ITGA6: variants seen among roughly 807,000 people sequenced by gnomAD.
ITGA6 encodes the protein integrin subunit alpha 6.
Under a neutral mutation model 133.6 loss-of-function variants are expected in ITGA6, and 63 were observed. That is an observed-to-expected ratio of 0.47 (90% CI 0.38 to 0.58). The LOEUF (loss-of-function observed/expected upper bound fraction) is 0.58, where lower values mean the gene tolerates loss of function less well. Ranked by LOEUF, ITGA6 falls within the 20% of genes least tolerant of loss-of-function variation. ITGA6 has a pLI of 0.00. For missense variants in ITGA6, 1,068 were observed against 1,309.4 expected (o/e 0.82, Z 2.85); for synonymous variants, 434 against 482.0 (o/e 0.90, Z 1.30).
rs1243092567 is a variant in ITGA6, at chr2:172,440,093, GT to G, written c.182+12126del. Reference sequence around the variant, plus strand: ...GGTCAGCCTTCACTGTTGTGTGGGTGTTTGCAAATAAGACAGCACCTGTTTG... The same window carrying G: ...GGTCAGCCTTCACTGTTGTGTGGGTGTTGCAAATAAGACAGCACCTGTTTG... On this transcript the variant is annotated intron_variant, in intron 1 of 25. Coordinates refer to ENST00000684293, the MANE Select transcript of ITGA6 (RefSeq NM_000210.4). 3.3e-5 allele frequency among the ~76,000 whole-genome samples: 5 copies of G among 152,306 alleles called. No homozygotes were observed. In the East Asian group the frequency reaches 9.6e-4, roughly 29 times the overall value.
intron 23 of ITGA6, among the ~76,000 whole-genome samples, chr2:172,497,771 C>T (rs1687189670): frequency 6.6e-6 from 1 of 152,098 alleles, no homozygotes; most frequent in Admixed American, 6.5e-5. Context: ...CCAGCATTTT[C>T]AAGATTCTGG....
intron 1 of ITGA6, among the ~76,000 whole-genome samples, chr2:172,458,316 T>G (rs897582393): frequency 6.6e-6 from 1 of 151,604 alleles, no homozygotes; most frequent in African/African-American, 2.4e-5. Context: ...TCTCGGCTCC[T>G]GAAACCTCCA....
intron 23 of ITGA6, among the ~76,000 whole-genome samples, chr2:172,496,949 C>T (rs533655083): frequency 3.3e-5 from 5 of 152,280 alleles, no homozygotes; most frequent in East Asian, 1.9e-4. Context: ...GCAACTTAAG[C>T]GCTAAGCTGC....
In ITGA6 at chr2:172,462,307, C is replaced by G. The variant is rs75262797; in HGVS notation, c.183-3232C>G. On this transcript the variant is annotated intron_variant, in intron 1 of 25. Transcript: ENST00000684293. ...GTGGAACACTCCTGCTTCCTCCATC[C>G]CCTGTGGGACCACCTGAGGTGGAGG... Among the ~76,000 whole-genome samples, 675 of 152,290 alleles carry G rather than the reference C, an allele frequency of 4.4e-3. 18 individuals carry two copies. Among genetic ancestry groups the G allele is most frequent in the Admixed American group, 0.039 (600 of 15,300 alleles).
intron 1 of ITGA6, among the ~76,000 whole-genome samples, chr2:172,463,752 C>T (rs749238976): frequency 1.3e-5 from 2 of 152,138 alleles, no homozygotes; most frequent in African/African-American, 2.4e-5. Flanking sequence ...ATCCTGGCAC[C>T]CCACTTATCC....
chr2:172,500,830 G>A (rs1002293247), intron 24 of ITGA6, among the ~76,000 whole-genome samples: 1 of 152,140 alleles, frequency 6.6e-6, no homozygotes, highest in African/African-American at 2.4e-5. Context: ...CGTGGAATAT[G>A]GCTGGTTCAC....
At chr2:172,461,283 C>CT (rs1164726010) in intron 1 of ITGA6, among the ~76,000 whole-genome samples, 1 of 151,994 alleles carries the variant, frequency 6.6e-6, no homozygotes, top group African/African-American at 2.4e-5. Context: ...TGAGTTTTGC[C>CT]TTTTAAGTGT....
At chr2:172,472,927 G>A in intron 5 of ITGA6, 1 of 1,338,014 alleles carries the variant, frequency 7.5e-7, no homozygotes, top group Non-Finnish European at 1.1e-6. Flanking sequence ...AATTGTCTTG[G>A]TTGTGGTCAT....
At chr2:172,439,541 CATG>C (rs1162361440) in intron 1 of ITGA6, among the ~76,000 whole-genome samples, 1 of 151,804 alleles carries the variant, frequency 6.6e-6, no homozygotes, top group African/African-American at 2.4e-5. Flanking sequence ...CCTGAGGTGG[CATG>C]GTGGTGGTAT....
chr2:172,463,171 G>A (rs1037552061), intron 1 of ITGA6, among the ~76,000 whole-genome samples: 1 of 152,150 alleles, frequency 6.6e-6, no homozygotes, highest in Non-Finnish European at 1.5e-5. Flanking sequence ...CTTAATCAGC[G>A]TTTGTTGAGT....
chr2:172,478,181 A>G (rs761720953), intron 9 of ITGA6, among the ~76,000 whole-genome samples: 1 of 152,232 alleles, frequency 6.6e-6, no homozygotes, highest in Non-Finnish European at 1.5e-5. Context: ...GTCTAAATGT[A>G]AAATAAAAAT....
At chr2:172,500,139 C>T (rs528954029) in intron 24 of ITGA6, among the ~76,000 whole-genome samples, 102 of 151,750 alleles carry the variant, frequency 6.7e-4, no homozygotes, top group African/African-American at 2.2e-3. Flanking sequence ...ATGTAGAGGG[C>T]AAAGCTAAAC....
chr2:172,498,740 A>G (rs1687231750), intron 24 of ITGA6, among the ~76,000 whole-genome samples: 1 of 152,240 alleles, frequency 6.6e-6, no homozygotes, highest in Admixed American at 6.5e-5. Flanking sequence ...GATGGATACA[A>G]ACTCTTATTG....
chr2:172,429,178 T>G (rs1684006741), intron 1 of ITGA6, among the ~76,000 whole-genome samples: 1 of 151,860 alleles, frequency 6.6e-6, no homozygotes, highest in Non-Finnish European at 1.5e-5. Context: ...TTAGTCAGTT[T>G]TTTTTTTTTT....
chr2:172,500,945 C>T (rs1482228676), intron 24 of ITGA6, among the ~76,000 whole-genome samples: 3 of 152,130 alleles, frequency 2.0e-5, no homozygotes, highest in Non-Finnish European at 2.9e-5. Context: ...AGGCTTTTAC[C>T]TTCATGAGTT....
chr2:172,465,852 C>T (rs1574361875), intron 2 of ITGA6, 189 bp downstream of exon 2: 1 of 831,952 alleles, frequency 1.2e-6, no homozygotes. Context: ...TGGGATGCCG[C>T]GTGTTTTGCT....
chr2:172,479,501 T>C (rs1686330439), intron 9 of ITGA6, 140 bp from the exon 10 acceptor site: 2 of 759,364 alleles, frequency 2.6e-6, no homozygotes, highest in Non-Finnish European at 4.8e-6. Context: ...TCTTCAGCAA[T>C]GGGGGAAAAC....
intron 20 of ITGA6, 83 bp from the exon 21 acceptor site, chr2:172,490,941 T>C: frequency 3.7e-6 from 3 of 803,148 alleles, no homozygotes; most frequent in Non-Finnish European, 6.7e-6. Flanking sequence ...TGGCACTGTT[T>C]GGGAGGATAT....
intron 1 of ITGA6, among the ~76,000 whole-genome samples, chr2:172,450,663 T>C (rs1427474324): frequency 6.6e-6 from 1 of 151,780 alleles, no homozygotes; most frequent in Non-Finnish European, 1.5e-5. Context: ...TTTAGTAAGA[T>C]AGAGAAGGGG....
Sources: gnomAD v4.1 joint callset for allele counts (sites outside exome capture counted in the v4.1 genomes callset) on GRCh38, gnomAD v4.1.1 for gene constraint, MANE v1.5 for transcripts, NCBI Gene and HGNC (gene_info 2026-07-23, HGNC 2026-07-21) for gene names.